MAPK4: variants seen among roughly 807,000 people sequenced by gnomAD.
MAPK4 encodes Erk3-related.
Under a neutral mutation model 47.7 loss-of-function variants are expected in MAPK4, and 22 were observed. The ratio of observed to expected loss-of-function variants is 0.46; its 90% CI spans 0.33 to 0.66. The LOEUF (loss-of-function observed/expected upper bound fraction) is 0.66, where lower values mean the gene tolerates loss of function less well. MAPK4 is among the 30% of genes least tolerant of loss of function. The pLI is 0.02. For missense variants in MAPK4, 736 were observed against 831.7 expected (o/e 0.88, Z 1.42); for synonymous variants, 390 against 365.7 (o/e 1.07, Z -0.76).
intron 2 of MAPK4, among the ~76,000 whole-genome samples, chr18:50,686,740 G>A (rs578102289): frequency 5.4e-4 from 82 of 152,302 alleles, no homozygotes; most frequent in Non-Finnish European, 1.0e-3. Flanking sequence ...TGGTACTCAC[G>A]GCCATCCAGA....
Position 50,680,078 on chromosome 18 carries a change from CTTTTTTTTTTTTT to C in MAPK4, c.546+15592_546+15604del, listed in dbSNP as rs138992946. On this transcript the variant is annotated intron_variant, in intron 2 of 5. Coordinates refer to ENST00000400384, the MANE Select transcript of MAPK4 (RefSeq NM_002747.4). ...CAGTGCTTTTATATTTGCTTTTAAA[CTTTTTTTTTTTTT>C]TTTTTTTTTTTTTTTTTGAGACAGA... is the stretch of plus-strand genomic sequence containing the variant. Among the ~76,000 whole-genome samples the C allele has an allele frequency of 1.5e-4, 8 of 54,354 alleles. 1 individual carries two copies. The East Asian group carries it at 3.3e-3, about 22-fold the overall frequency. 35.7% of individuals were successfully genotyped at this position (54,354 alleles called of 152,430 possible).
chr18:50,693,150 TCA>T (rs1909323222), intron 2 of MAPK4, among the ~76,000 whole-genome samples: 1 of 151,726 alleles, frequency 6.6e-6, no homozygotes, highest in Non-Finnish European at 1.5e-5. Flanking sequence ...TCCCAGCTAC[TCA>T]GGAGGCTGAG....
intron 3 of MAPK4, among the ~76,000 whole-genome samples, chr18:50,717,084 G>A (rs1046705186): frequency 6.6e-6 from 1 of 152,112 alleles, no homozygotes; most frequent in African/African-American, 2.4e-5. Context: ...ACATCATTCT[G>A]GCTGTGAGGC....
In MAPK4 at chr18:50,601,333, C is replaced by CAAA. The variant is rs35148592; in HGVS notation, c.-871+41114_-871+41116dup. On this transcript the variant is annotated intron_variant, in intron 1 of 5. Transcript: ENST00000400384. ...TGGGTGAGAGAGCAAGACTCTATGT[C>CAAA]AAAAAAAAAAAAAAAAAAAAAAAAA... Among the ~76,000 whole-genome samples the CAAA allele has an allele frequency of 2.5e-3, 135 of 53,186 alleles. 4 individuals are homozygous for CAAA. The highest frequency in any genetic ancestry group is 7.9e-3 in the African/African-American group (133 of 16,804). 34.9% of individuals were successfully genotyped at this position (53,186 alleles called of 152,430 possible).
chr18:50,628,896 G>A (rs1160322084), intron 1 of MAPK4, among the ~76,000 whole-genome samples: 1 of 152,228 alleles, frequency 6.6e-6, no homozygotes, highest in South Asian at 2.1e-4. Flanking sequence ...TAAGACCCAG[G>A]CACATTTAGT....
intron 2 of MAPK4, among the ~76,000 whole-genome samples, chr18:50,713,726 G>A (rs1460263011): frequency 1.3e-5 from 2 of 152,212 alleles, no homozygotes; most frequent in Admixed American, 6.5e-5. Flanking sequence ...CCATGAGTAC[G>A]GGGATATCCC....
intron 1 of MAPK4, among the ~76,000 whole-genome samples, chr18:50,608,230 A>C (rs1419369719): frequency 6.6e-6 from 1 of 152,212 alleles, no homozygotes; most frequent in East Asian, 1.9e-4. Context: ...GAGGATTCAG[A>C]TATCTGTTTC....
At chr18:50,624,836 A>G (rs1369444088) in intron 1 of MAPK4, among the ~76,000 whole-genome samples, 1 of 152,006 alleles carries the variant, frequency 6.6e-6, no homozygotes, top group Non-Finnish European at 1.5e-5. Context: ...TGCCTGGTAC[A>G]GCTGCCTGGG....
intron 1 of MAPK4, among the ~76,000 whole-genome samples, chr18:50,572,219 C>A (rs1473623535): frequency 1.3e-5 from 2 of 152,118 alleles, no homozygotes; most frequent in African/African-American, 2.4e-5. Context: ...ATCAAAATGA[C>A]ACAGAGAAGA....
At chr18:50,650,213 T>C (rs1462142258) in intron 1 of MAPK4, among the ~76,000 whole-genome samples, 1 of 152,196 alleles carries the variant, frequency 6.6e-6, no homozygotes, top group African/African-American at 2.4e-5. Flanking sequence ...TCCGTCTCTG[T>C]GTCCTGAGTG....
intron 4 of MAPK4, among the ~76,000 whole-genome samples, chr18:50,725,159 C>T (rs1261378507): frequency 1.3e-5 from 2 of 152,194 alleles, no homozygotes; most frequent in Non-Finnish European, 2.9e-5. Flanking sequence ...CCAGAACTCC[C>T]CCTTGATCCA....
chr18:50,606,290 A>T (rs1462971747), intron 1 of MAPK4, among the ~76,000 whole-genome samples: 1 of 152,084 alleles, frequency 6.6e-6, no homozygotes, highest in East Asian at 1.9e-4. Context: ...AAGGGGCCAG[A>T]TTTTTGAGGG....
At chr18:50,707,468 G>A (rs551818191) in intron 2 of MAPK4, among the ~76,000 whole-genome samples, 7 of 151,918 alleles carry the variant, frequency 4.6e-5, no homozygotes, top group Admixed American at 3.9e-4. Flanking sequence ...CACTCTGGGG[G>A]GTTAAAGCCC....
chr18:50,607,398 G>A (rs948746156), intron 1 of MAPK4, among the ~76,000 whole-genome samples: 12 of 152,224 alleles, frequency 7.9e-5, no homozygotes, highest in Admixed American at 6.5e-5. Context: ...CTTCAGCTCT[G>A]TGTATCCTGC....
At chr18:50,605,443 G>T (rs2042574337) in intron 1 of MAPK4, among the ~76,000 whole-genome samples, 1 of 152,210 alleles carries the variant, frequency 6.6e-6, no homozygotes, top group Non-Finnish European at 1.5e-5. Context: ...ACTTCTCCTA[G>T]AGGTGGGTCC....
At chr18:50,653,089 T>A (rs1465768215) in intron 1 of MAPK4, among the ~76,000 whole-genome samples, 4 of 151,984 alleles carry the variant, frequency 2.6e-5, no homozygotes, top group Non-Finnish European at 4.4e-5. Flanking sequence ...CTCAGGAGGC[T>A]AAGGCAGGAG....
At chr18:50,606,236 G>A (rs1249635345) in intron 1 of MAPK4, among the ~76,000 whole-genome samples, 1 of 152,110 alleles carries the variant, frequency 6.6e-6, no homozygotes, top group Admixed American at 6.6e-5. Flanking sequence ...ATAAGCAAAG[G>A]AATCCTGGCA....
Position 50,671,768 on chromosome 18 carries a change from T to C in MAPK4, c.546+7264T>C, listed in dbSNP as rs149129422. Among the ~76,000 whole-genome samples, 681 of 151,840 alleles carry C rather than the reference T, an allele frequency of 4.5e-3. 3 individuals carry two copies. Among genetic ancestry groups the C allele is most frequent in the Middle Eastern group, 0.014 (4 of 294 alleles). On this transcript the variant is annotated intron_variant, in intron 2 of 5. Transcript: ENST00000400384. Reference sequence around the variant, plus strand: ...AGCCAGGTATAGTGGTGCACACCTATAGTCCCAGCCACTCAGGAAGCTGAG... The same window carrying C: ...AGCCAGGTATAGTGGTGCACACCTACAGTCCCAGCCACTCAGGAAGCTGAG...
At chr18:50,727,843 C>T (rs1027090572) in intron 5 of MAPK4, among the ~76,000 whole-genome samples, 10 of 152,126 alleles carry the variant, frequency 6.6e-5, no homozygotes, top group Non-Finnish European at 1.3e-4. Flanking sequence ...AACTGTAAAG[C>T]GGGGGTGATA....
Sources: gnomAD v4.1 joint callset for allele counts (sites outside exome capture counted in the v4.1 genomes callset) on GRCh38, gnomAD v4.1.1 for gene constraint, MANE v1.5 for transcripts, NCBI Gene and HGNC (gene_info 2026-07-23, HGNC 2026-07-21) for gene names.